The following OR10J1 variants were observed in gnomAD, a reference collection of about 807,000 sequenced individuals.
The protein encoded by OR10J1 is olfactory receptor family 10 subfamily J member 1, also known as olfactory receptor 10J1.
For synonymous variants in OR10J1, 202 were observed against 143.8 expected, an observed-to-expected ratio of 1.40 and a Z score of -2.89; for missense variants, 474 against 376.6, an observed-to-expected ratio of 1.26 and a Z score of -2.14.
the OR10J1 span, among the ~76,000 whole-genome samples, chr1:159,416,469 T>C: frequency 6.6e-6 from 1 of 151,620 alleles, no homozygotes; most frequent in Non-Finnish European, 1.5e-5. Context: ...TTTGATGTGC[T>C]GTTGGTTTTG....
the OR10J1 span, chr1:159,405,760 C>T: frequency 8.0e-6 from 10 of 1,257,384 alleles, no homozygotes; most frequent in Non-Finnish European, 1.1e-5. Context: ...GACAAGGACA[C>T]AGACACTGAC....
At chr1:159,430,676 C>T in the OR10J1 span, among the ~76,000 whole-genome samples, 776 of 47,314 alleles carry the variant, frequency 0.016, 12 homozygotes, top group Middle Eastern at 0.054. Context: ...TGTGCGCGCG[C>T]GCACATGTTT....
At chr1:159,409,009 A>T in the OR10J1 span, among the ~76,000 whole-genome samples, 1 of 151,998 alleles carries the variant, frequency 6.6e-6, no homozygotes, top group South Asian at 2.1e-4. Flanking sequence ...GGTGTGTGGG[A>T]TTTTCCAAAA....
At chr1:159,433,831 T>C (rs1655659268), upstream of OR10J1, among the ~76,000 whole-genome samples, 1 of 152,156 alleles carries the variant, frequency 6.6e-6, no homozygotes, top group South Asian at 2.1e-4. Context: ...TCTTTTTGCA[T>C]CTGTTGCATG....
At chr1:159,431,016 T>C in the OR10J1 span, among the ~76,000 whole-genome samples, 3 of 152,192 alleles carry the variant, frequency 2.0e-5, no homozygotes, top group Non-Finnish European at 2.9e-5. Context: ...TTATAGTTAC[T>C]AGTGTTTTAA....
the OR10J1 span, among the ~76,000 whole-genome samples, chr1:159,408,802 C>T: frequency 1.3e-5 from 2 of 151,964 alleles, no homozygotes; most frequent in East Asian, 3.9e-4. Flanking sequence ...ATAGTAACAT[C>T]CCGAAAAATT....
At chr1:159,423,238 C>T in the OR10J1 span, among the ~76,000 whole-genome samples, 1 of 152,152 alleles carries the variant, frequency 6.6e-6, no homozygotes, top group South Asian at 2.1e-4. Context: ...ATTATAGAGG[C>T]CAATATTTAC....
chr1:159,439,795 A>T lies in OR10J1; in HGVS notation c.4A>T (p.Lys2Ter), dbSNP rs767316051. 1 of 1,614,032 alleles carries T rather than the reference A, an allele frequency of 6.2e-7. No individual in the cohort carries two copies. The highest frequency in any genetic ancestry group is 1.1e-5 in the South Asian group (1 of 91,074). M[K>*]RENFTLITDF... ...TTTCAGATTTGGGAACCAATCCATG[A>T]AAAGAGAGAACTTTACTCTCATCAC... The change falls in exon 1 of 1, where the codon AAA (lysine) becomes TAA (stop). Residue 2 changes from lysine to a stop codon, truncating the protein, a stop_gained. Transcript: ENST00000423932. LOFTEE classifies it low-confidence loss of function (END_TRUNC).
At chr1:159,427,044 A>C in the OR10J1 span, among the ~76,000 whole-genome samples, 2 of 151,908 alleles carry the variant, frequency 1.3e-5, no homozygotes, top group African/African-American at 4.8e-5. Context: ...TGGCAGAGAG[A>C]GACAAGTGCT....
the OR10J1 span, among the ~76,000 whole-genome samples, chr1:159,431,063 GA>G: frequency 6.6e-6 from 1 of 152,142 alleles, no homozygotes; most frequent in African/African-American, 2.4e-5. Context: ...ATTGTGTTTA[GA>G]GACTAAAAAA....
chr1:159,432,384 T>C, the OR10J1 span: 8 of 402,894 alleles, frequency 2.0e-5, no homozygotes, highest in East Asian at 2.1e-4. Flanking sequence ...CACGCCCATG[T>C]ATTTCTTCCT....
At chr1:159,398,530 A>G in the OR10J1 span, among the ~76,000 whole-genome samples, 1 of 152,182 alleles carries the variant, frequency 6.6e-6, no homozygotes, top group Non-Finnish European at 1.5e-5. Flanking sequence ...GGAATTCAGA[A>G]TTCAATCAGA....
the OR10J1 span, among the ~76,000 whole-genome samples, chr1:159,404,688 C>T: frequency 6.6e-6 from 1 of 152,074 alleles, no homozygotes; most frequent in Non-Finnish European, 1.5e-5. Flanking sequence ...CTTCATGTTA[C>T]TCCATTCATT....
At chr1:159,434,132 C>CT (rs1655668682), upstream of OR10J1, among the ~76,000 whole-genome samples, 1 of 152,082 alleles carries the variant, frequency 6.6e-6, no homozygotes, top group East Asian at 1.9e-4. Context: ...TTTTATTATT[C>CT]TTTTTTATGG....
At chr1:159,439,274 C>G (rs1050463832), upstream of OR10J1, among the ~76,000 whole-genome samples, 2 of 152,122 alleles carry the variant, frequency 1.3e-5, no homozygotes, top group African/African-American at 4.8e-5. Context: ...TTTTCAAGCA[C>G]CCAATCCATG....
the OR10J1 span, among the ~76,000 whole-genome samples, chr1:159,402,553 A>G: frequency 3.3e-5 from 5 of 152,090 alleles, no homozygotes; most frequent in African/African-American, 1.2e-4. Flanking sequence ...GAACTTAACC[A>G]AAGAAGTGAA....
the OR10J1 span, among the ~76,000 whole-genome samples, chr1:159,414,409 A>G: frequency 6.6e-6 from 1 of 152,234 alleles, no homozygotes; most frequent in Non-Finnish European, 1.5e-5. Context: ...ATGTTGCTTC[A>G]AATGATGGGA....
At chr1:159,432,963 G>T, upstream of OR10J1, 2 of 432,074 alleles carry the variant, frequency 4.6e-6, no homozygotes, top group Non-Finnish European at 8.3e-6. Context: ...GTCCACTATG[G>T]CCGTACTTCT....
Position 159,440,694 on chromosome 1 carries a change from C to A in OR10J1, c.903C>A (p.Cys301Ter). 2 of 1,612,270 alleles carry A rather than the reference C, an allele frequency of 1.2e-6. No homozygotes were observed. Among genetic ancestry groups the A allele is most frequent in the Non-Finnish European group, 1.7e-6 (2 of 1,178,642 alleles). The change falls in exon 1 of 1, where the codon TGC becomes TGA. Residue 301 changes from cysteine (C) to a stop codon, truncating the protein, a stop_gained. Transcript: ENST00000423932. LOFTEE classifies it high-confidence loss of function. ...ATAAAGAGGTCAAAGATGCTCTGTG[C>A]AGGGCTGTTGGTGGGAAGTTTTCCT... ...LRNKEVKDAL[C>*]RAVGGKFS is the part of the protein sequence containing the mutation.
Sources: allele counts gnomAD v4.1 joint callset (sites outside exome capture counted in the v4.1 genomes callset), GRCh38; gene constraint gnomAD v4.1.1; transcripts MANE v1.5; gene names NCBI Gene and HGNC (gene_info 2026-07-23, HGNC 2026-07-21).